CLYBL: variants seen among roughly 807,000 people sequenced by gnomAD.
The protein encoded by CLYBL is citramalyl-CoA lyase, mitochondrial.
Under a neutral mutation model 38.9 loss-of-function variants are expected in CLYBL, and 31 were observed. That is an observed-to-expected ratio of 0.80 (90% confidence interval 0.60 to 1.08). CLYBL has a LOEUF of 1.08. Among genes scored for constraint, CLYBL ranks in the 50% least tolerant of loss-of-function variants. CLYBL has a pLI of 0.00. For synonymous variants in CLYBL, 171 were observed against 158.6 expected (o/e 1.08, Z -0.59); for missense variants, 434 against 411.6 (o/e 1.05, Z -0.47).
chr13:99,781,206 T>C (rs1302932551), intron 2 of CLYBL, among the ~76,000 whole-genome samples: 1 of 151,922 alleles, frequency 6.6e-6, no homozygotes. Context: ...AGTCTCGCTG[T>C]GTCACGCAGG....
chr13:99,894,746 G>C (rs1006340670), downstream of CLYBL: 3 of 137,842 alleles, frequency 2.2e-5, 1 homozygote, highest in Admixed American at 1.4e-4. Flanking sequence ...CGGGGGGGGG[G>C]GGGGGTGCCC....
chr13:99,867,249 G>A (rs991845550), intron 6 of CLYBL, among the ~76,000 whole-genome samples: 1 of 152,114 alleles, frequency 6.6e-6, no homozygotes, highest in Non-Finnish European at 1.5e-5. Flanking sequence ...AAAGGCACCC[G>A]AATAATTAGG....
chr13:99,662,809 AT>A (rs2047428751), intron 1 of CLYBL, among the ~76,000 whole-genome samples: 1 of 152,150 alleles, frequency 6.6e-6, no homozygotes, highest in Non-Finnish European at 1.5e-5. Flanking sequence ...TATTTTTTAG[AT>A]TGCTTGAGCA....
chr13:99,839,088 A>G (rs547942402), intron 2 of CLYBL, among the ~76,000 whole-genome samples: 7 of 152,326 alleles, frequency 4.6e-5, no homozygotes, highest in Middle Eastern at 3.4e-3. Flanking sequence ...CTTTTTATCA[A>G]TCTCCATGTG....
chr13:99,860,915 A>G (rs2051585280), intron 3 of CLYBL, among the ~76,000 whole-genome samples: 1 of 152,172 alleles, frequency 6.6e-6, no homozygotes, highest in African/African-American at 2.4e-5. Flanking sequence ...TTGGACTATA[A>G]CAAGCGTAAC....
intron 1 of CLYBL, among the ~76,000 whole-genome samples, chr13:99,667,637 C>G (rs2047502980): frequency 1.3e-5 from 2 of 151,940 alleles, no homozygotes; most frequent in Admixed American, 1.3e-4. Context: ...CTTGTGGTGC[C>G]TGCATTGAAA....
intron 1 of CLYBL, among the ~76,000 whole-genome samples, chr13:99,669,064 C>T (rs926399016): frequency 3.3e-5 from 5 of 150,820 alleles, no homozygotes; most frequent in African/African-American, 1.2e-4. Context: ...TGCAGTGGCG[C>T]GATCTCGGCT....
rs1030713359 is a variant in CLYBL, at chr13:99,859,034, T to G, written c.423T>G (p.Pro141=). The G allele has an allele frequency of 8.1e-6, 13 of 1,612,786 alleles. No homozygotes were observed. In the African/African-American group the frequency reaches 1.3e-4, roughly 17 times the overall value. ...TGATGCTACCAAAGGTGGAAAGTCCTGAAGAAATCCAGTGGGTGAGTAGCT... is the reference window on the plus strand; with the variant it reads ...TGATGCTACCAAAGGTGGAAAGTCCGGAAGAAATCCAGTGGGTGAGTAGCT... The part of the protein sequence containing the change: ...SSLMLPKVES[P]EEIQWFADKF... Residue 141 remains proline, a synonymous_variant, in exon 3 of 9, where the codon CCT becomes CCG. Transcript: ENST00000339105.
At chr13:99,855,138 T>C (rs1269726345) in intron 2 of CLYBL, among the ~76,000 whole-genome samples, 1 of 83,826 alleles carries the variant, frequency 1.2e-5, no homozygotes, top group Non-Finnish European at 2.1e-5. Context: ...ATTCCATTAT[T>C]CAGTCATTTC....
intron 2 of CLYBL, among the ~76,000 whole-genome samples, chr13:99,812,802 GACCAA>G (rs1264563808): frequency 6.6e-6 from 1 of 152,182 alleles, no homozygotes; most frequent in African/African-American, 2.4e-5. Flanking sequence ...GGTGCTGAGT[GACCAA>G]TACCCAGCCT....
chr13:99,660,689 C>G (rs186636801), intron 1 of CLYBL, among the ~76,000 whole-genome samples: 18 of 152,318 alleles, frequency 1.2e-4, no homozygotes, highest in Non-Finnish European at 2.2e-4. Flanking sequence ...ATTCTTTGCT[C>G]TGTTCTAAAA....
At chr13:99,657,879 TC>T (rs1344924855) in intron 1 of CLYBL, among the ~76,000 whole-genome samples, 1 of 152,232 alleles carries the variant, frequency 6.6e-6, no homozygotes. Flanking sequence ...AGTTTCTTGA[TC>T]CGCTTTTCCC....
chr13:99,780,234 G>T (rs2049613087), intron 2 of CLYBL, among the ~76,000 whole-genome samples: 1 of 151,964 alleles, frequency 6.6e-6, no homozygotes, highest in Non-Finnish European at 1.5e-5. Flanking sequence ...ATGTTTATGT[G>T]GTCTGATCGT....
At chr13:99,870,865 C>T in intron 6 of CLYBL, 73 bp from the exon 7 acceptor site, 1 of 1,503,264 alleles carries the variant, frequency 6.7e-7, no homozygotes, top group Non-Finnish European at 9.0e-7. Context: ...TCAGGAACCT[C>T]ACGCGATAGA....
intron 1 of CLYBL, among the ~76,000 whole-genome samples, chr13:99,650,379 C>T (rs1199260529): frequency 6.6e-6 from 1 of 151,972 alleles, no homozygotes; most frequent in East Asian, 1.9e-4. Context: ...CTATGGTTGT[C>T]CCACCGTACT....
rs111979983 is a variant in CLYBL at position 99,882,664 on chromosome 13, CA to C, written c.928-8643del. Among the ~76,000 whole-genome samples, 140 of 138,980 alleles carry C rather than the reference CA, an allele frequency of 1.0e-3. 1 individual carries two copies. Among genetic ancestry groups the C allele is most frequent in the South Asian group, 4.3e-3 (19 of 4,370 alleles). The allele number at this position is 138,980 out of a possible 152,430, so 91.2% of individuals were successfully genotyped here. On this transcript the variant is annotated intron_variant, in intron 7 of 8. Coordinates refer to ENST00000339105, the MANE Select transcript of CLYBL (RefSeq NM_206808.5). ...GGGAGACGGGAGTGAGACCCTGTCT[CA>C]AAAAAAAAAAGAATATTTTGTAATA...
intron 2 of CLYBL, among the ~76,000 whole-genome samples, chr13:99,808,022 T>A (rs1481170745): frequency 6.6e-6 from 1 of 152,188 alleles, no homozygotes; most frequent in Non-Finnish European, 1.5e-5. Context: ...TGAAGTTCCC[T>A]GTGGTCATGG....
At chr13:99,820,387 G>T (rs913163128) in intron 2 of CLYBL, among the ~76,000 whole-genome samples, 1 of 152,112 alleles carries the variant, frequency 6.6e-6, no homozygotes, top group African/African-American at 2.4e-5. Flanking sequence ...GCACAAACAA[G>T]AGTGAAACAA....
intron 1 of CLYBL, among the ~76,000 whole-genome samples, chr13:99,753,909 T>A (rs1279763585): frequency 3.4e-4 from 44 of 129,088 alleles, no homozygotes; most frequent in Middle Eastern, 5.6e-3. Flanking sequence ...GCCAACATGG[T>A]GAAACCCCAT....
Sources: allele counts gnomAD v4.1 joint callset (sites outside exome capture counted in the v4.1 genomes callset), GRCh38; gene constraint gnomAD v4.1.1; transcripts MANE v1.5; gene names NCBI Gene and HGNC (gene_info 2026-07-23, HGNC 2026-07-21).